Variants in LRP1B observed in about 807,000 individuals in gnomAD.
LRP1B encodes LDL receptor related protein 1B, also known as low-density lipoprotein receptor-related protein 1B.
Under a neutral mutation model 556.6 loss-of-function variants are expected in LRP1B, and 217 were observed. That is an observed-to-expected ratio of 0.39 (90% CI 0.35 to 0.44). The LOEUF (loss-of-function observed/expected upper bound fraction) is 0.44, where lower values mean the gene tolerates loss of function less well. LRP1B is among the 20% of genes least tolerant of loss of function. LRP1B has a pLI of 1.00. For synonymous variants in LRP1B, 2,047 were observed against 1,865.8 expected (o/e 1.10, Z -2.50); for missense variants, 5,053 against 5,620.8 (o/e 0.90, Z 3.23).
rs564208873 is a variant in LRP1B, at chr2:141,124,131, T to C, written c.1014-61858A>G. ...GACTACTTAGATAACAAAATAAAAC[T>C]TTCATAAAATATGAAACAAAAGCAT... On this transcript the variant is annotated intron_variant, in intron 7 of 90. Transcript: ENST00000389484. 2.7e-4 allele frequency among the ~76,000 whole-genome samples: 41 copies of C among 152,092 alleles called. 1 individual carries two copies. The highest frequency in any genetic ancestry group is 5.0e-4 in the Non-Finnish European group (34 of 68,002).
chr2:141,880,786 G>A (rs1698932389), intron 1 of LRP1B, among the ~76,000 whole-genome samples: 1 of 152,070 alleles, frequency 6.6e-6, no homozygotes, highest in Non-Finnish European at 1.5e-5. Flanking sequence ...CTACAGCTAA[G>A]CTTGGTTGTG....
At chr2:141,503,910 A>G (rs1447168285) in intron 2 of LRP1B, among the ~76,000 whole-genome samples, 1 of 151,362 alleles carries the variant, frequency 6.6e-6, no homozygotes, top group African/African-American at 2.4e-5. Flanking sequence ...TTAAGCATTC[A>G]GGCAGATCTT....
chr2:140,260,350 G>A (rs1311915346), intron 86 of LRP1B, among the ~76,000 whole-genome samples: 4 of 151,770 alleles, frequency 2.6e-5, no homozygotes, highest in East Asian at 1.9e-4. Flanking sequence ...GTTTTTAAAA[G>A]AGAATAGTAT....
At chr2:140,916,692 A>G (rs972820041) in intron 21 of LRP1B, among the ~76,000 whole-genome samples, 1 of 152,216 alleles carries the variant, frequency 6.6e-6, no homozygotes, top group Non-Finnish European at 1.5e-5. Flanking sequence ...AGTCAAAGAA[A>G]GGTAGTCAAT....
chr2:140,903,650 T>C (rs1485698793), intron 22 of LRP1B, among the ~76,000 whole-genome samples: 1 of 152,072 alleles, frequency 6.6e-6, no homozygotes, highest in Non-Finnish European at 1.5e-5. Flanking sequence ...TTGCAACACT[T>C]GTACAGTCCA....
intron 3 of LRP1B, among the ~76,000 whole-genome samples, chr2:141,257,252 T>C (rs1320259996): frequency 6.6e-6 from 1 of 151,932 alleles, no homozygotes; most frequent in Non-Finnish European, 1.5e-5. Context: ...GCAGGAAAGG[T>C]TTCTCACAGA....
At chr2:140,489,099 T>C (rs1189869729) in intron 57 of LRP1B, among the ~76,000 whole-genome samples, 1 of 152,048 alleles carries the variant, frequency 6.6e-6, no homozygotes, top group Non-Finnish European at 1.5e-5. Flanking sequence ...GTCCTATGTA[T>C]AGCAGCAAAT....
chr2:141,425,025 C>T (rs1339396716), intron 3 of LRP1B, among the ~76,000 whole-genome samples: 2 of 151,166 alleles, frequency 1.3e-5, no homozygotes, highest in African/African-American at 2.4e-5. Flanking sequence ...CCCATTAACT[C>T]GTCATTTAGC....
chr2:141,657,942 C>T (rs1362877288), intron 2 of LRP1B, among the ~76,000 whole-genome samples: 1 of 152,116 alleles, frequency 6.6e-6, no homozygotes, highest in African/African-American at 2.4e-5. Context: ...AAGGTTTAAA[C>T]GAAGTTCTAG....
At chr2:140,954,055 A>G (rs1239904650) in intron 18 of LRP1B, among the ~76,000 whole-genome samples, 1 of 152,212 alleles carries the variant, frequency 6.6e-6, no homozygotes, top group Non-Finnish European at 1.5e-5. Flanking sequence ...TCTTGTGTTT[A>G]TCAGAAATGT....
chr2:141,792,956 T>C (rs1320947990), intron 2 of LRP1B, among the ~76,000 whole-genome samples: 1 of 151,946 alleles, frequency 6.6e-6, no homozygotes, highest in Non-Finnish European at 1.5e-5. Flanking sequence ...TAATAAAAAT[T>C]TTTGAATAAG....
chr2:141,229,401 A>G lies in LRP1B; in HGVS notation c.632T>C (p.Phe211Ser), dbSNP rs1558947484. The G allele has an allele frequency of 6.2e-7, 1 of 1,602,790 alleles. No homozygotes were observed. ...DRPPILLIAN[F>S]ETIEVFYLNG... is the part of the protein sequence containing the mutation. ...AAGATAGAAAACCTCAATTGTTTCA[A>G]AATTTGCAATTAATAGTATAGGTGG... is the stretch of plus-strand genomic sequence containing the variant. Residue 211 changes from phenylalanine to serine, a missense_variant, in exon 6 of 91, where the codon TTT becomes TCT. By Grantham distance (155) the Phe-to-Ser change is radical. Transcript: ENST00000389484.
At chr2:140,984,814 C>T (rs922496895) in intron 17 of LRP1B, among the ~76,000 whole-genome samples, 17 of 152,044 alleles carry the variant, frequency 1.1e-4, no homozygotes, top group Non-Finnish European at 2.4e-4. Context: ...GAAAATTATT[C>T]ACTTAGTCTA....
chr2:141,558,559 G>A (rs541660948), intron 2 of LRP1B, among the ~76,000 whole-genome samples: 2 of 151,834 alleles, frequency 1.3e-5, no homozygotes, highest in South Asian at 4.1e-4. Flanking sequence ...GCCCTACAGA[G>A]CATATTAATA....
intron 1 of LRP1B, among the ~76,000 whole-genome samples, chr2:141,862,637 G>A (rs1046123875): frequency 1.4e-4 from 22 of 152,100 alleles, no homozygotes; most frequent in Non-Finnish European, 2.1e-4. Context: ...TCGAACTCCC[G>A]ACCTCGTGAT....
chr2:141,671,630 G>A (rs867269912), intron 2 of LRP1B, among the ~76,000 whole-genome samples: 2 of 152,088 alleles, frequency 1.3e-5, no homozygotes, highest in Non-Finnish European at 2.9e-5. Context: ...ACATACCATT[G>A]CATTCTTCTA....
chr2:141,155,778 G>A (rs1441883028), intron 7 of LRP1B, among the ~76,000 whole-genome samples: 1 of 152,022 alleles, frequency 6.6e-6, no homozygotes, highest in Non-Finnish European at 1.5e-5. Flanking sequence ...TTAACATTAT[G>A]TGATACAATT....
At chr2:140,991,612 A>G (rs1002494237) in intron 16 of LRP1B, among the ~76,000 whole-genome samples, 2 of 152,144 alleles carry the variant, frequency 1.3e-5, no homozygotes, top group East Asian at 3.9e-4. Flanking sequence ...TCATGAAAAT[A>G]TTAATCTATT....
At position 141,133,281 on chromosome 2, in the gene LRP1B, G is replaced by A. The variant is rs897340778; in HGVS notation, c.1013+55140C>T. On this transcript the variant is annotated intron_variant, in intron 7 of 90. Transcript: ENST00000389484. Reference sequence around the variant, plus strand: ...ATAGTAGCAATTATCATAGCTACCTGTAACGTCTCTTTTTTTTTTTTTTCC... The same window carrying A: ...ATAGTAGCAATTATCATAGCTACCTATAACGTCTCTTTTTTTTTTTTTTCC... Among the ~76,000 whole-genome samples, 155 of 118,846 alleles carry A rather than the reference G, an allele frequency of 1.3e-3. 2 individuals are homozygous for A. The highest frequency in any genetic ancestry group is 2.8e-3 in the Admixed American group (25 of 8,910). 78.0% of individuals were successfully genotyped at this position (118,846 alleles called of 152,430 possible).
Sources: allele counts gnomAD v4.1 joint callset (sites outside exome capture counted in the v4.1 genomes callset), GRCh38; gene constraint gnomAD v4.1.1; transcripts MANE v1.5; gene names NCBI Gene and HGNC (gene_info 2026-07-23, HGNC 2026-07-21).